GSDMB: variants seen among roughly 807,000 people sequenced by gnomAD.
GSDMB encodes the protein gasdermin-B.
A neutral mutation model predicts 42.9 loss-of-function variants in GSDMB; 32 were observed. The observed-to-expected ratio is 0.75, with a 90% CI of 0.56 to 1.00. The LOEUF is 1.00. GSDMB is among the 50% of genes least tolerant of loss of function. The probability of loss-of-function intolerance (pLI) is 0.00; values close to 1 mark genes in which losing one functional copy is unlikely to be tolerated. For missense variants in GSDMB, 468 were observed against 498.5 expected (o/e 0.94, Z 0.58); for synonymous variants, 175 against 193.7 (o/e 0.90, Z 0.80).
At chr17:39,907,031 C>T (rs759696818) in intron 6 of GSDMB, 44 bp from the exon 7 acceptor site, 10 of 1,613,470 alleles carry the variant, frequency 6.2e-6, no homozygotes, top group Non-Finnish European at 8.5e-6. Flanking sequence ...CAGATCACCT[C>T]CAGTCCCCTG....
chr17:39,909,127 A>T (rs1393823164), intron 4 of GSDMB, 85 bp from the exon 5 acceptor site: 2 of 767,832 alleles, frequency 2.6e-6, no homozygotes, highest in Non-Finnish European at 4.3e-6. Flanking sequence ...CCTGTGAGGC[A>T]GTCATTTGTA....
At chr17:39,910,463 T>C (rs1033290657) in intron 3 of GSDMB, among the ~76,000 whole-genome samples, 2 of 152,228 alleles carry the variant, frequency 1.3e-5, no homozygotes, top group East Asian at 1.9e-4. Context: ...CCACTTTCCA[T>C]GTAAAGATAC....
In GSDMB at chr17:39,917,214, G is replaced by A. The variant is rs371623073; in HGVS notation, c.103C>T (p.Arg35Cys). ...VRSLVDADRFRCFHLVGEKRT... is the reference protein window; with the variant it reads ...VRSLVDADRFCCFHLVGEKRT... ...TTCTCCCCCACCAGATGGAAGCAGC[G>A]GAATCTATCAGCATCAACAAGGCTT... Residue 35 changes from arginine to cysteine, a missense_variant, in exon 2 of 11, where the codon CGC becomes TGC. By Grantham distance (180) the Arg-to-Cys change is radical. Transcript: ENST00000418519. 31 of 1,613,716 alleles carry A rather than the reference G, an allele frequency of 1.9e-5. No individual in the cohort carries two copies. Among genetic ancestry groups the A allele is most frequent in the African/African-American group, 9.3e-5 (7 of 74,892 alleles).
chr17:39,917,732 A>C, intron 1 of GSDMB: 1 of 200,820 alleles, frequency 5.0e-6, no homozygotes, highest in Non-Finnish European at 1.0e-5. Context: ...CCCTTTGCTG[A>C]CCCCTTTTTT....
Position 39,909,915 on chromosome 17 carries a change from C to T in GSDMB, c.417G>A (p.Lys139=), listed in dbSNP as rs1252587505. 1 of 1,612,850 alleles carries T rather than the reference C, an allele frequency of 6.2e-7. No homozygotes were observed. The change falls in exon 4 of 11, where the codon AAG becomes AAA. Residue 139 remains lysine (K), a synonymous_variant. Transcript: ENST00000418519. ...YLATLENRKL[K]RELPFSFRSI... ...ATCGGAATGAAAAGGGTAGTTCCCT[C>T]TTCAGCTTCCTGGAGAGAGTGGAGA... is the stretch of plus-strand genomic sequence containing the variant.
chr17:39,916,872 C>A (rs1284001378), intron 2 of GSDMB, among the ~76,000 whole-genome samples: 1 of 152,168 alleles, frequency 6.6e-6, no homozygotes, highest in Non-Finnish European at 1.5e-5. Flanking sequence ...CATTTAGGAA[C>A]GGTTTCCAGT....
At chr17:39,907,388 C>A (rs1253660388) in intron 6 of GSDMB, 1 of 179,694 alleles carries the variant, frequency 5.6e-6, no homozygotes, top group Admixed American at 6.2e-5. Flanking sequence ...CAGGGACCTT[C>A]TAGTCTCACT....
chr17:39,906,220 T>C lies in GSDMB; in HGVS notation c.779A>G (p.Asp260Gly). The C allele has an allele frequency of 6.2e-7, 1 of 1,614,112 alleles. No individual in the cohort carries two copies. The highest frequency in any genetic ancestry group is 2.2e-5 in the East Asian group (1 of 44,882). The change falls in exon 8 of 11, where the codon GAC (aspartate) becomes GGC (glycine). Residue 260 changes from aspartate (D) to glycine (G), a missense_variant. Transcript: ENST00000418519. ...DSRNMKEKLE[D>G]MESVLKDLTE... ...CAGGTCCTTGAGGACACTCTCCATG[T>C]CCTCCAACTTCTCCTTCATGTTTCT...
intron 2 of GSDMB, among the ~76,000 whole-genome samples, chr17:39,915,253 C>T (rs960759282): frequency 1.3e-5 from 2 of 152,062 alleles, no homozygotes; most frequent in Admixed American, 1.3e-4. Flanking sequence ...ATTACAGGCG[C>T]GAGCCACTGT....
chr17:39,910,072 A>C (rs2063580465), intron 3 of GSDMB, 148 bp from the exon 4 acceptor site: 1 of 662,410 alleles, frequency 1.5e-6, no homozygotes, highest in Non-Finnish European at 2.6e-6. Flanking sequence ...ATCGCAGTTC[A>C]CTTTACCCAC....
Position 39,909,016 on chromosome 17 carries a change from TG to T in GSDMB, c.602del (p.Pro201GlnfsTer5). 1 of 1,602,416 alleles carries T rather than the reference TG, an allele frequency of 6.2e-7. No homozygotes were observed. The highest frequency in any genetic ancestry group is 8.5e-7 in the Non-Finnish European group (1 of 1,175,150). ...HKGQREVTIPPNRVLSYRVKQ... is the reference protein window; with the variant it reads ...HKGQREVTIPXNRVLSYRVKQ... Reference sequence around the variant, plus strand: ...TTACTCGATAGCTCAGGACCCGATTTGGGGGGATGGTCACTTCCCTTTGGCC... The same window carrying T: ...TTACTCGATAGCTCAGGACCCGATTTGGGGGATGGTCACTTCCCTTTGGCC... On this transcript the variant is annotated frameshift_variant, in exon 5 of 11. Transcript: ENST00000418519. LOFTEE classifies it high-confidence loss of function.
At chr17:39,908,310 T>C (rs2063542266) in intron 5 of GSDMB, 96 bp from the exon 6 acceptor site, 4 of 399,442 alleles carry the variant, frequency 1.0e-5, no homozygotes, top group African/African-American at 2.8e-5. Flanking sequence ...TCAATCCCTA[T>C]ACCAGCCTCC....
chr17:39,912,727 T>C (rs750609349), intron 2 of GSDMB, among the ~76,000 whole-genome samples: 1 of 152,252 alleles, frequency 6.6e-6, no homozygotes, highest in Non-Finnish European at 1.5e-5. Flanking sequence ...TCTTACCACA[T>C]GACCTTGGGT....
intron 7 of GSDMB, chr17:39,906,480 G>A (rs776420725): frequency 7.4e-5 from 82 of 1,104,112 alleles, no homozygotes; most frequent in Non-Finnish European, 9.2e-5. Flanking sequence ...CATCTCCCCA[G>A]CTCACCCCCA....
chr17:39,904,655 TG>T lies in GSDMB; in HGVS notation c.*156del, dbSNP rs1242057881. The T allele has an allele frequency of 3.4e-6, 2 of 583,482 alleles. No homozygotes were observed. The highest frequency in any genetic ancestry group is 1.9e-5 in the African/African-American group (1 of 53,248). The allele number at this position is 583,482 out of a possible 1,614,324, so 36.1% of individuals were successfully genotyped here. On this transcript the variant is annotated 3_prime_UTR_variant, in exon 11 of 11. Coordinates refer to ENST00000418519, the MANE Select transcript of GSDMB (RefSeq NM_001165958.2). Reference sequence around the variant, plus strand: ...CCATGTATGAAATCCAGGCTGGTTTTGGATGTTAACATGGAGCGAATGGGAT... The same window carrying T: ...CCATGTATGAAATCCAGGCTGGTTTTGATGTTAACATGGAGCGAATGGGAT...
Position 39,909,787 on chromosome 17 carries a change from A to C in GSDMB, c.545T>G (p.Ile182Ser). 1.2e-6 allele frequency: 2 copies of C among 1,614,074 alleles called. No individual in the cohort carries two copies. Among genetic ancestry groups the C allele is most frequent in the Non-Finnish European group, 1.7e-6 (2 of 1,180,002 alleles). Residue 182 changes from isoleucine (I) to serine (S), a missense_variant, in exon 4 of 11, where the codon ATC becomes AGC. Coordinates refer to ENST00000418519, the MANE Select transcript of GSDMB (RefSeq NM_001165958.2). ...SDRQYKFWSQ[I>S]SQGHLSYKHK... is the part of the protein sequence containing the mutation. The stretch of plus-strand genomic sequence containing the variant: ...TTTATAGCTGAGATGGCCCTGAGAG[A>C]TCTGGCTCCAAAATTTATATTGCCG...
rs77749396 is a variant in GSDMB at position 39,917,587 on chromosome 17, G to A, written c.-14-257C>T. ...CACCCTGATACAATATAGTCTCCCCGCCGCCGCCCTTAAGAAGGTACTTTG... is the reference window on the plus strand; with the variant it reads ...CACCCTGATACAATATAGTCTCCCCACCGCCGCCCTTAAGAAGGTACTTTG... On this transcript the variant is annotated intron_variant, in intron 1 of 10. Coordinates refer to ENST00000418519, the MANE Select transcript of GSDMB (RefSeq NM_001165958.2). 11 of 102,570 alleles carry A rather than the reference G, an allele frequency of 1.1e-4. No homozygotes were observed. In the East Asian group the frequency reaches 2.2e-3, roughly 20 times the overall value. 6.4% of individuals were successfully genotyped at this position (102,570 alleles called of 1,614,324 possible). A position where few individuals can be genotyped will look rare whatever the true frequency, so the allele number is the denominator to read the frequency against.
Position 39,917,083 on chromosome 17 carries a change from T to C in GSDMB, c.234A>G (p.Gln78=). The C allele has an allele frequency of 1.9e-6, 3 of 1,609,670 alleles. No homozygotes were observed. The highest frequency in any genetic ancestry group is 2.6e-6 in the Non-Finnish European group (3 of 1,175,948). Reference sequence around the variant, plus strand: ...ACCTGTCATCTACCTTATACTGACCTTGGAGCCCAGAATCCAGTTCATCTA... The same window carrying C: ...ACCTGTCATCTACCTTATACTGACCCTGGAGCCCAGAATCCAGTTCATCTA... ...KWLDELDSGL[Q]GQKAEFQILD... Residue 78 remains glutamine (Q), a splice_region_variant and synonymous_variant, in exon 2 of 11, where the codon CAA becomes CAG. Transcript: ENST00000418519.
chr17:39,908,475 G>A (rs571337824), intron 5 of GSDMB, among the ~76,000 whole-genome samples: 5 of 152,056 alleles, frequency 3.3e-5, no homozygotes, highest in African/African-American at 1.2e-4. Context: ...CACTTCCCAG[G>A]TTCAAGCAAT....
Sources: allele counts gnomAD v4.1 joint callset (sites outside exome capture counted in the v4.1 genomes callset), GRCh38; gene constraint gnomAD v4.1.1; transcripts MANE v1.5; gene names NCBI Gene and HGNC (gene_info 2026-07-23, HGNC 2026-07-21).